The following ABL1 variants were observed in gnomAD, a reference collection of about 807,000 sequenced individuals.
The protein encoded by ABL1 is tyrosine-protein kinase ABL1.
ABL1 carries 11 observed loss-of-function variants against 94.7 expected under a neutral mutation model. That is an observed-to-expected ratio of 0.12 (90% CI 0.07 to 0.19). ABL1 has a LOEUF of 0.19. Ranked by LOEUF, ABL1 falls within the 10% of genes least tolerant of loss-of-function variation. The pLI is 1.00. For missense variants in ABL1, 1,082 were observed against 1,489.4 expected (o/e 0.73, Z 4.50); for synonymous variants, 656 against 622.4 (o/e 1.05, Z -0.80).
chr9:130,853,648 C>T (rs1588268686), intron 1 of ABL1, among the ~76,000 whole-genome samples: 1 of 152,280 alleles, frequency 6.6e-6, no homozygotes, highest in Non-Finnish European at 1.5e-5. Flanking sequence ...CTCCTGAACT[C>T]AGGTGATCCA....
chr9:130,779,185 A>G (rs2855177), intron 1 of ABL1, among the ~76,000 whole-genome samples: 152,121 of 152,364 alleles, frequency 1, 75,939 homozygotes, highest in Middle Eastern at 1. Flanking sequence ...GGCCTAAGCC[A>G]CTGCCAGGTG....
intron 7 of ABL1, among the ~76,000 whole-genome samples, chr9:130,876,102 A>C (rs1483550688): frequency 2.0e-5 from 3 of 152,212 alleles, no homozygotes; most frequent in Non-Finnish European, 2.9e-5. Context: ...CTGGGATTAC[A>C]GGCGTGAGCC....
intron 1 of ABL1, among the ~76,000 whole-genome samples, chr9:130,804,402 C>T (rs1264009620): frequency 4.6e-5 from 7 of 152,090 alleles, no homozygotes; most frequent in Non-Finnish European, 8.8e-5. Flanking sequence ...GCCTGACCAA[C>T]ATGGAGAAAC....
At chr9:130,741,618 C>A (rs1456009551) in intron 1 of ABL1, among the ~76,000 whole-genome samples, 1 of 151,920 alleles carries the variant, frequency 6.6e-6, no homozygotes, top group South Asian at 2.1e-4. Context: ...AGTTACCATG[C>A]CGGAGTAACA....
At chr9:130,723,184 C>G (rs931563244) in intron 1 of ABL1, among the ~76,000 whole-genome samples, 1 of 152,168 alleles carries the variant, frequency 6.6e-6, no homozygotes, top group Non-Finnish European at 1.5e-5. Flanking sequence ...TTCCCTGACT[C>G]CTTGCTGTGT....
chr9:130,793,611 C>T (rs1482254613), intron 1 of ABL1, among the ~76,000 whole-genome samples: 2 of 152,128 alleles, frequency 1.3e-5, no homozygotes, highest in Non-Finnish European at 2.9e-5. Flanking sequence ...CTGAGTGTTG[C>T]TTGCTTGAAA....
chr9:130,769,068 T>C (rs577762829), intron 1 of ABL1, among the ~76,000 whole-genome samples: 33 of 152,014 alleles, frequency 2.2e-4, no homozygotes, highest in Non-Finnish European at 4.4e-4. Context: ...GAGGGGGAAT[T>C]TTTCACTCTT....
intron 1 of ABL1, among the ~76,000 whole-genome samples, chr9:130,827,838 G>T (rs1016593249): frequency 1.3e-5 from 2 of 151,604 alleles, no homozygotes; most frequent in South Asian, 4.2e-4. Context: ...AGCTTGCAGT[G>T]AGCCAAGATT....
Position 130,819,224 on chromosome 9 carries a change from T to C in ABL1, c.137-34840T>C, listed in dbSNP as rs77302050. On this transcript the variant is annotated intron_variant, in intron 1 of 10. Coordinates refer to the ABL1 transcript ENST00000372348. ...AAAATTAGCTGAGCGTGGTGGCACA[T>C]GCCTGTAGTCCCAGCTACTCGGGAG... 8.9e-4 allele frequency among the ~76,000 whole-genome samples: 136 copies of C among 152,192 alleles called. 2 individuals are homozygous for C. The East Asian group carries it at 0.018, about 20-fold the overall frequency.
chr9:130,831,672 A>G (rs765329696), upstream of ABL1, among the ~76,000 whole-genome samples: 20 of 151,454 alleles, frequency 1.3e-4, no homozygotes, highest in Admixed American at 3.3e-4. Context: ...GCAGTGGTGC[A>G]ATCTTGGCAC....
In ABL1 at chr9:130,824,331, A is replaced by G. The variant is rs151288872; in HGVS notation, c.137-29733A>G. On this transcript the variant is annotated intron_variant, in intron 1 of 10. Coordinates refer to the ABL1 transcript ENST00000372348. ...TGTCCCAGCTCAAGCAGGCAGAGGG[A>G]GGGTAAATCCAACCTTCCTTTTTCT... 2.9e-3 allele frequency among the ~76,000 whole-genome samples: 440 copies of G among 152,264 alleles called. 2 individuals carry two copies. Among genetic ancestry groups the G allele is most frequent in the African/African-American group, 0.01 (428 of 41,548 alleles).
At chr9:130,732,494 G>A (rs1477332085) in intron 1 of ABL1, among the ~76,000 whole-genome samples, 1 of 152,082 alleles carries the variant, frequency 6.6e-6, no homozygotes, top group Non-Finnish European at 1.5e-5. Flanking sequence ...ATCAGTGGCT[G>A]CCTGTGGCCT....
At position 130,872,275 on chromosome 9, in the gene ABL1, G is replaced by A. The variant is rs34938942; in HGVS notation, c.907+62G>A. ...GCCGCACCCCCAGGGTGACACAGGC[G>A]CTGGGGAAGACGCACGGGCGGCTCA... On this transcript the variant is annotated intron_variant, in intron 5 of 10. Coordinates refer to ENST00000318560, the MANE Select transcript of ABL1 (RefSeq NM_005157.6). The surrounding 1 kb of genome is among the most constrained non-coding windows in gnomAD (Gnocchi z 5.0). 2,295 of 1,495,584 alleles carry A rather than the reference G, an allele frequency of 1.5e-3. 34 individuals carry two copies. In the African/African-American group the frequency reaches 0.025, roughly 17 times the overall value. 92.6% of individuals were successfully genotyped at this position (1,495,584 alleles called of 1,614,324 possible).
At chr9:130,809,886 T>A (rs1830183963) in intron 1 of ABL1, among the ~76,000 whole-genome samples, 1 of 152,170 alleles carries the variant, frequency 6.6e-6, no homozygotes, top group African/African-American at 2.4e-5. Flanking sequence ...GAAAAATTAA[T>A]CCTAGAATAA....
At chr9:130,812,200 C>CAAAAAAAAAAA (rs35352789) in intron 1 of ABL1, among the ~76,000 whole-genome samples, 26 of 48,762 alleles carry the variant, frequency 5.3e-4, no homozygotes, top group African/African-American at 1.6e-3. Flanking sequence ...TCCATCTCTA[C>CAAAAAAAAAAA]AAAAAAAAAA....
In ABL1 at chr9:130,880,301, T is replaced by C; in HGVS notation, c.1513+144T>C. ...CAGAAAGCTGGGCAGAGGTGTGGAG[T>C]ATTGTGCTTTCTTGTCTGCTGCAGC... On this transcript the variant is annotated intron_variant, in intron 9 of 10. Transcript: ENST00000318560. This position sits in a 1 kb window ranked among gnomAD's most constrained non-coding sequence, Gnocchi z 4.4. The C allele has an allele frequency of 9.1e-7, 1 of 1,099,914 alleles. No homozygotes were observed. Among genetic ancestry groups the C allele is most frequent in the Non-Finnish European group, 1.3e-6 (1 of 744,130 alleles). 68.1% of individuals were successfully genotyped at this position (1,099,914 alleles called of 1,614,324 possible). A position where few individuals can be genotyped will look rare whatever the true frequency, so the allele number is the denominator to read the frequency against.
At chr9:130,764,920 T>C (rs984695250) in intron 1 of ABL1, among the ~76,000 whole-genome samples, 2 of 150,454 alleles carry the variant, frequency 1.3e-5, no homozygotes, top group Non-Finnish European at 3.0e-5. Flanking sequence ...TGTGCCACTG[T>C]ACTCCAGTCT....
chr9:130,720,747 A>C (rs949615314), intron 1 of ABL1, among the ~76,000 whole-genome samples: 1 of 152,168 alleles, frequency 6.6e-6, no homozygotes, highest in African/African-American at 2.4e-5. Context: ...CATTGATTGC[A>C]CAGAGCCAGG....
At chr9:130,757,003 A>AT (rs777296363) in intron 1 of ABL1, among the ~76,000 whole-genome samples, 1 of 152,124 alleles carries the variant, frequency 6.6e-6, no homozygotes, top group African/African-American at 2.4e-5. Flanking sequence ...CAGGGAGCCG[A>AT]TGGAAAGGGG....
Sources: allele counts gnomAD v4.1 joint callset (sites outside exome capture counted in the v4.1 genomes callset), GRCh38; gene constraint gnomAD v4.1.1; non-coding constraint Gnocchi (gnomAD v3.1); transcripts MANE v1.5; gene names NCBI Gene and HGNC (gene_info 2026-07-23, HGNC 2026-07-21).